Variants in ARSB observed in about 807,000 individuals in gnomAD.
ARSB encodes the protein arylsulfatase B, also known as N-acetylgalactosamine-4-sulfatase.
In ARSB, 41 loss-of-function variants were observed where a neutral mutation model predicts 50.9. The ratio of observed to expected loss-of-function variants is 0.81; its 90% CI spans 0.63 to 1.04. The LOEUF (loss-of-function observed/expected upper bound fraction) is 1.04. Ranked by LOEUF, ARSB falls within the 50% of genes least tolerant of loss-of-function variation. The pLI, the probability that ARSB is intolerant of heterozygous loss-of-function variation, is 0.00. For missense variants in ARSB, 672 were observed against 693.3 expected (o/e 0.97, Z 0.35); for synonymous variants, 269 against 284.8 (o/e 0.94, Z 0.56).
chr5:78,924,996 G>A (rs1402016189), intron 4 of ARSB, among the ~76,000 whole-genome samples: 1 of 152,054 alleles, frequency 6.6e-6, no homozygotes, highest in East Asian at 1.9e-4. Flanking sequence ...GTTTTTCAAG[G>A]CCTCAATGCT....
chr5:78,796,248 A>G (rs1743173354), intron 6 of ARSB, among the ~76,000 whole-genome samples: 1 of 152,270 alleles, frequency 6.6e-6, no homozygotes, highest in Non-Finnish European at 1.5e-5. Flanking sequence ...TATGTTGTTG[A>G]TCACTATATG....
chr5:78,833,219 T>C (rs576628645), intron 6 of ARSB, among the ~76,000 whole-genome samples: 1 of 152,310 alleles, frequency 6.6e-6, no homozygotes, highest in African/African-American at 2.4e-5. Flanking sequence ...CCTGGGATTA[T>C]GGCTGTTCCC....
intron 7 of ARSB, among the ~76,000 whole-genome samples, chr5:78,780,921 TA>T (rs1748907144): frequency 6.6e-6 from 1 of 152,232 alleles, no homozygotes; most frequent in African/African-American, 2.4e-5. Flanking sequence ...GACTAGGGCA[TA>T]GGGGTGCTCC....
At chr5:78,892,245 A>ATT (rs1748334436) in intron 4 of ARSB, among the ~76,000 whole-genome samples, 1 of 120,780 alleles carries the variant, frequency 8.3e-6, no homozygotes, top group African/African-American at 3.6e-5. Flanking sequence ...TGCATTCTCT[A>ATT]TTCTTTTTTT....
intron 4 of ARSB, among the ~76,000 whole-genome samples, chr5:78,936,201 T>G (rs1750592178): frequency 1.4e-5 from 2 of 145,010 alleles, no homozygotes; most frequent in African/African-American, 5.2e-5. Flanking sequence ...CTCAGCTCAC[T>G]GCAACCTCCG....
At chr5:78,923,054 T>C (rs1213215615) in intron 4 of ARSB, among the ~76,000 whole-genome samples, 1 of 152,170 alleles carries the variant, frequency 6.6e-6, no homozygotes, top group African/African-American at 2.4e-5. Flanking sequence ...AGGCAGAAGT[T>C]TGCATGTAGG....
chr5:78,816,560 C>G lies in ARSB; in HGVS notation c.1213+22796G>C, dbSNP rs567455604. ...GTTATGTTTGGTGGGAAAAGGAATT[C>G]TGCAGATGCCATTAAGGTTACTAAT... On this transcript the variant is annotated intron_variant, in intron 6 of 7. Coordinates refer to ENST00000264914, the MANE Select transcript of ARSB (RefSeq NM_000046.5). Among the ~76,000 whole-genome samples the G allele has an allele frequency of 2.0e-5, 3 of 152,328 alleles. No homozygotes were observed. The South Asian group carries it at 6.2e-4, about 32-fold the overall frequency.
At chr5:78,867,090 G>A (rs910673210) in intron 5 of ARSB, among the ~76,000 whole-genome samples, 29 of 152,120 alleles carry the variant, frequency 1.9e-4, no homozygotes, top group Non-Finnish European at 1.8e-4. Flanking sequence ...ACTCCCACCC[G>A]AATATTGCGC....
intron 4 of ARSB, among the ~76,000 whole-genome samples, chr5:78,894,046 T>C (rs1748456846): frequency 6.6e-6 from 1 of 152,222 alleles, no homozygotes; most frequent in African/African-American, 2.4e-5. Context: ...CGTGGCCAGA[T>C]AATTTTGACT....
At chr5:78,929,252 T>A (rs2112382331) in intron 4 of ARSB, among the ~76,000 whole-genome samples, 1 of 152,234 alleles carries the variant, frequency 6.6e-6, no homozygotes, top group East Asian at 1.9e-4. Context: ...GCCTGACATG[T>A]TTTTGGTCCC....
intron 6 of ARSB, among the ~76,000 whole-genome samples, chr5:78,788,436 T>C (rs984500137): frequency 6.6e-6 from 1 of 152,152 alleles, no homozygotes; most frequent in Non-Finnish European, 1.5e-5. Context: ...AGACCCAAAG[T>C]AGGTTCTGGA....
At position 78,885,630 on chromosome 5, in the gene ARSB, T is replaced by C. The variant is rs776690571; in HGVS notation, c.1096A>G (p.Asn366Asp). The change falls in exon 5 of 8, where the codon AAT (asparagine) becomes GAT (aspartate). Residue 366 changes from asparagine (N) to aspartate (D), a missense_variant. Transcript: ENST00000264914. ...AAGCCATCCAGAGGCTTTGTGCCATTGGTGTGTCCCCTGGCCAGCTTCACG... is the reference window on the plus strand; with the variant it reads ...AAGCCATCCAGAGGCTTTGTGCCATCGGTGTGTCCCCTGGCCAGCTTCACG... ...TLVKLARGHT[N>D]GTKPLDGFDV... The C allele has an allele frequency of 1.9e-6, 3 of 1,614,000 alleles. No homozygotes were observed. Among genetic ancestry groups the C allele is most frequent in the African/African-American group, 1.3e-5 (1 of 74,906 alleles).
chr5:78,790,409 G>A (rs570442441), intron 6 of ARSB, among the ~76,000 whole-genome samples: 29 of 152,062 alleles, frequency 1.9e-4, no homozygotes, highest in Non-Finnish European at 3.2e-4. Context: ...TAGAAAGTGC[G>A]CAGTTATTAC....
intron 4 of ARSB, among the ~76,000 whole-genome samples, chr5:78,938,595 T>C (rs892186637): frequency 1.3e-5 from 2 of 152,238 alleles, no homozygotes; most frequent in South Asian, 2.1e-4. Context: ...TCCTAGCACA[T>C]ATAACTTTGT....
intron 7 of ARSB, among the ~76,000 whole-genome samples, chr5:78,781,046 T>C (rs550731074): frequency 6.6e-5 from 10 of 152,316 alleles, no homozygotes; most frequent in Admixed American, 3.3e-4. Context: ...ATTGTAAACA[T>C]TGATTAATTA....
At chr5:78,941,060 T>C (rs1490558185) in intron 4 of ARSB, among the ~76,000 whole-genome samples, 6 of 147,570 alleles carry the variant, frequency 4.1e-5, no homozygotes, top group South Asian at 2.2e-4. Flanking sequence ...TGAATGGGAG[T>C]TCACTCATGA....
intron 5 of ARSB, among the ~76,000 whole-genome samples, chr5:78,864,474 G>T (rs770136594): frequency 6.6e-6 from 1 of 152,090 alleles, no homozygotes; most frequent in Admixed American, 6.6e-5. Context: ...ATCTGCCACC[G>T]GGTCCCTCCC....
At chr5:78,873,311 G>A (rs147705045) in intron 5 of ARSB, among the ~76,000 whole-genome samples, 22 of 151,894 alleles carry the variant, frequency 1.4e-4, no homozygotes, top group Admixed American at 4.6e-4. Flanking sequence ...ATGTGAAAGC[G>A]TGTAGAGAAT....
At chr5:78,972,058 G>A (rs1284234085) in intron 1 of ARSB, among the ~76,000 whole-genome samples, 1 of 152,188 alleles carries the variant, frequency 6.6e-6, no homozygotes, top group Non-Finnish European at 1.5e-5. Flanking sequence ...CTCTGCCCTA[G>A]GAGGCTGACC....
Sources: allele counts gnomAD v4.1 joint callset (sites outside exome capture counted in the v4.1 genomes callset), GRCh38; gene constraint gnomAD v4.1.1; transcripts MANE v1.5; gene names NCBI Gene and HGNC (gene_info 2026-07-23, HGNC 2026-07-21).